The following ZC3H12B variants were observed in gnomAD, a reference collection of about 807,000 sequenced individuals.
The protein encoded by ZC3H12B is probable ribonuclease ZC3H12B.
In ZC3H12B, 7 loss-of-function variants were observed where a neutral mutation model predicts 43.9. The ratio of observed to expected loss-of-function variants is 0.16; its 90% CI spans 0.09 to 0.30. The LOEUF (loss-of-function observed/expected upper bound fraction) is 0.30, where lower values mean the gene tolerates loss of function less well. Ranked by LOEUF, ZC3H12B falls within the 10% of genes least tolerant of loss-of-function variation. The probability of loss-of-function intolerance (pLI) is 1.00; values close to 1 mark genes in which losing one functional copy is unlikely to be tolerated. For synonymous variants in ZC3H12B, 222 were observed against 241.7 expected, an observed-to-expected ratio of 0.92 and a Z score of 0.76; for missense variants, 475 against 670.2, an observed-to-expected ratio of 0.71 and a Z score of 3.22.
chrX:65,501,945 T>A (rs1335431513), exon 5 of ZC3H12B: 1 of 1,209,305 alleles, frequency 8.3e-7, no homozygotes, highest in Non-Finnish European at 1.1e-6. Flanking sequence ...GGCACAGGGA[T>A]GTCTAGTGCC....
intron 3 of ZC3H12B, among the ~76,000 whole-genome samples, chrX:65,441,052 C>T (rs781231576): frequency 1.8e-5 from 2 of 112,125 alleles, no homozygotes; most frequent in Admixed American, 9.5e-5. Context: ...TCTTTCAAAC[C>T]TTGCAAATTT....
At chrX:65,037,358 A>T in the ZC3H12B span, among the ~76,000 whole-genome samples, 1 of 111,935 alleles carries the variant, frequency 8.9e-6, no homozygotes, top group African/African-American at 3.2e-5. Flanking sequence ...AGTTCAGCAT[A>T]GCATGAGCTA....
the ZC3H12B span, among the ~76,000 whole-genome samples, chrX:65,259,588 G>A: frequency 1.8e-5 from 2 of 111,988 alleles, no homozygotes; most frequent in Admixed American, 9.5e-5. Flanking sequence ...AAGGGCTTCT[G>A]CACAGCAATG....
the ZC3H12B span, among the ~76,000 whole-genome samples, chrX:65,085,014 C>G: frequency 8.9e-6 from 1 of 111,925 alleles, no homozygotes; most frequent in Non-Finnish European, 1.9e-5. Context: ...CACAGAACGA[C>G]AAACATCACA....
At chrX:65,362,965 A>G (rs761312806), upstream of ZC3H12B, among the ~76,000 whole-genome samples, 64 of 110,353 alleles carry the variant, frequency 5.8e-4, no homozygotes, top group African/African-American at 1.9e-3. Flanking sequence ...TCTTGATCTC[A>G]AACATGCTTT....
At chrX:65,236,118 G>T in the ZC3H12B span, among the ~76,000 whole-genome samples, 1 of 111,954 alleles carries the variant, frequency 8.9e-6, no homozygotes, top group Non-Finnish European at 1.9e-5. Context: ...CTATCAGAAG[G>T]AAATAAACAA....
At chrX:65,459,268 T>C (rs1442041154) in intron 3 of ZC3H12B, among the ~76,000 whole-genome samples, 2 of 112,137 alleles carry the variant, frequency 1.8e-5, no homozygotes, top group East Asian at 5.6e-4. Flanking sequence ...AGCCGAATTC[T>C]ACCAGAGGTA....
chrX:65,036,764 A>G, the ZC3H12B span, among the ~76,000 whole-genome samples: 1 of 110,380 alleles, frequency 9.1e-6, no homozygotes, highest in Admixed American at 9.7e-5. Context: ...ATTTGAAATA[A>G]TAGTGTATCA....
chrX:65,458,792 T>C (rs1448538074), intron 3 of ZC3H12B, among the ~76,000 whole-genome samples: 1 of 110,699 alleles, frequency 9.0e-6, no homozygotes, highest in Non-Finnish European at 1.9e-5. Flanking sequence ...ACATCACAAT[T>C]GAAAGAACTA....
At chrX:65,315,189 T>C in the ZC3H12B span, among the ~76,000 whole-genome samples, 1 of 111,448 alleles carries the variant, frequency 9.0e-6, no homozygotes, top group Non-Finnish European at 1.9e-5. Flanking sequence ...CTATATGTGG[T>C]ATACAATAAA....
chrX:65,057,191 C>T, the ZC3H12B span, among the ~76,000 whole-genome samples: 10 of 111,971 alleles, frequency 8.9e-5, no homozygotes, highest in African/African-American at 1.6e-4. Context: ...ATGGTCTTTA[C>T]AATTTGGCAT....
the ZC3H12B span, among the ~76,000 whole-genome samples, chrX:65,347,388 AG>A: frequency 8.9e-6 from 1 of 111,912 alleles, no homozygotes; most frequent in Non-Finnish European, 1.9e-5. Context: ...CAAATTTACA[AG>A]AAAAAAACAA....
chrX:65,109,808 C>T, the ZC3H12B span, among the ~76,000 whole-genome samples: 3 of 111,414 alleles, frequency 2.7e-5, no homozygotes, highest in Admixed American at 9.5e-5. Context: ...ATTTTATATT[C>T]CCTCCAGCAA....
At chrX:65,212,622 A>AT in the ZC3H12B span, among the ~76,000 whole-genome samples, 1 of 83,079 alleles carries the variant, frequency 1.2e-5, no homozygotes, top group African/African-American at 4.6e-5. Flanking sequence ...ATGATATATA[A>AT]TATATATAAA....
chrX:65,450,775 A>G (rs1164946790), intron 3 of ZC3H12B, among the ~76,000 whole-genome samples: 1 of 67,674 alleles, frequency 1.5e-5, no homozygotes, highest in Non-Finnish European at 2.4e-5. Flanking sequence ...ATATGTATAC[A>G]TATGTGTATA....
the ZC3H12B span, among the ~76,000 whole-genome samples, chrX:65,339,649 G>A: frequency 1.8e-5 from 2 of 111,598 alleles, no homozygotes; most frequent in Non-Finnish European, 3.8e-5. Flanking sequence ...CATCAGACAA[G>A]GCCAGTCTGA....
the ZC3H12B span, among the ~76,000 whole-genome samples, chrX:65,323,813 G>A: frequency 8.9e-6 from 1 of 112,151 alleles, no homozygotes; most frequent in Non-Finnish European, 1.9e-5. Flanking sequence ...CCCACCAACA[G>A]TGTAAAAGTG....
chrX:65,400,980 AAT>A (rs2066755214), intron 3 of ZC3H12B, among the ~76,000 whole-genome samples: 1 of 110,632 alleles, frequency 9.0e-6, no homozygotes, highest in Non-Finnish European at 1.9e-5. Context: ...CCAAGGAAAC[AAT>A]ATTACAAAAG....
chrX:65,313,979 G>T, the ZC3H12B span, among the ~76,000 whole-genome samples: 2 of 111,785 alleles, frequency 1.8e-5, no homozygotes, highest in Non-Finnish European at 3.8e-5. Flanking sequence ...AACTATTTTT[G>T]AAAGATGAGA....
Sources: allele counts gnomAD v4.1 joint callset (sites outside exome capture counted in the v4.1 genomes callset), GRCh38; gene constraint gnomAD v4.1.1; transcripts MANE v1.5; gene names NCBI Gene and HGNC (gene_info 2026-07-23, HGNC 2026-07-21).